Variants in ATP11A observed in about 807,000 individuals in gnomAD.
The protein encoded by ATP11A is ATPase phospholipid transporting 11A.
ATP11A carries 81 observed loss-of-function variants against 154.4 expected under a neutral mutation model. That is an observed-to-expected ratio of 0.52 (90% CI 0.44 to 0.63). ATP11A has a LOEUF of 0.63. ATP11A is among the 30% of genes least tolerant of loss of function. The pLI is 0.00. For synonymous variants in ATP11A, 623 were observed against 585.9 expected (o/e 1.06, Z -0.91); for missense variants, 1,316 against 1,474.3 (o/e 0.89, Z 1.76).
intron 27 of ATP11A, among the ~76,000 whole-genome samples, chr13:112,874,625 CCCTG>C (rs1398615486): frequency 1.3e-4 from 20 of 152,130 alleles, no homozygotes; most frequent in Non-Finnish European, 2.8e-4. Flanking sequence ...CCCTCAGGGC[CCCTG>C]ACCTGGGCGG....
chr13:112,758,543 C>T (rs1222313250), intron 1 of ATP11A, among the ~76,000 whole-genome samples: 1 of 151,982 alleles, frequency 6.6e-6, no homozygotes, highest in Non-Finnish European at 1.5e-5. Flanking sequence ...CCTGCCTCAG[C>T]CTCCCGAGTA....
intron 1 of ATP11A, among the ~76,000 whole-genome samples, chr13:112,776,022 C>G (rs2139975363): frequency 6.6e-6 from 1 of 152,354 alleles, no homozygotes; most frequent in East Asian, 1.9e-4. Context: ...CGGACCCCTT[C>G]CCGCCTCCCT....
intron 1 of ATP11A, among the ~76,000 whole-genome samples, chr13:112,720,379 T>C (rs1281237896): frequency 6.6e-6 from 1 of 152,146 alleles, no homozygotes; most frequent in African/African-American, 2.4e-5. Flanking sequence ...CTGGAGCCAG[T>C]GGAAGGGAGT....
rs1482800736 is a variant in ATP11A, at chr13:112,716,272, C to T, written c.39+25817C>T. On this transcript the variant is annotated intron_variant, in intron 1 of 29. Transcript: ENST00000375645. ...ATCTGGTGGGAAGTGGGGGCTTTAG[C>T]AAGTCGCATCTCTCTCTGCCCCTCC... Among the ~76,000 whole-genome samples the T allele has an allele frequency of 2.0e-5, 3 of 152,216 alleles. No homozygotes were observed. In the East Asian group the frequency reaches 5.8e-4, roughly 29 times the overall value.
rs762365055 is a variant in ATP11A at position 112,862,429 on chromosome 13, C to A, written c.2856-11C>A. 8 of 1,613,238 alleles carry A rather than the reference C, an allele frequency of 5.0e-6. No individual in the cohort carries two copies. Among genetic ancestry groups the A allele is most frequent in the Non-Finnish European group, 6.8e-6 (8 of 1,179,934 alleles). ...TCGAGGACACACGCTGTGCACCTTT[C>A]TCCTCACCAGGGACGTCGCCAAGAA... On this transcript the variant is annotated splice_polypyrimidine_tract_variant and intron_variant, in intron 24 of 29. Transcript: ENST00000375645.
At chr13:112,821,140 T>C (rs1858314953) in intron 8 of ATP11A, among the ~76,000 whole-genome samples, 1 of 152,178 alleles carries the variant, frequency 6.6e-6, no homozygotes, top group Non-Finnish European at 1.5e-5. Context: ...TTAATTTGTG[T>C]TTGAACAGAC....
intron 1 of ATP11A, among the ~76,000 whole-genome samples, chr13:112,770,538 G>A (rs1386391999): frequency 1.4e-4 from 22 of 152,232 alleles, no homozygotes; most frequent in South Asian, 2.1e-4. Flanking sequence ...AGGGATGGGC[G>A]TGCCCACGTG....
intron 13 of ATP11A, among the ~76,000 whole-genome samples, chr13:112,832,472 C>T (rs947883803): frequency 2.0e-5 from 3 of 152,198 alleles, no homozygotes; most frequent in African/African-American, 4.8e-5. Context: ...CGCACAGGCA[C>T]CAGGGCAGAG....
At position 112,882,528 on chromosome 13, in the gene ATP11A, G is replaced by C; in HGVS notation, c.*662G>C. 2.2e-6 allele frequency: 1 copy of C among 453,508 alleles called. No individual in the cohort carries two copies. Among genetic ancestry groups the C allele is most frequent in the Non-Finnish European group, 3.8e-6 (1 of 260,510 alleles). The allele number at this position is 453,508 out of a possible 1,614,324, so 28.1% of individuals were successfully genotyped here. A position where few individuals can be genotyped will look rare whatever the true frequency, so the allele number is the denominator to read the frequency against. On this transcript the variant is annotated 3_prime_UTR_variant, in exon 30 of 30. Transcript: ENST00000375645. The surrounding 1 kb of genome is among the most constrained non-coding windows in gnomAD (Gnocchi z 5.1). ...GGGTCACTCGGATACCATCATCCCT[G>C]CGGATGCACCGCCGTACCCTGCTCA...
chr13:112,799,899 A>G (rs2078089437), intron 2 of ATP11A, among the ~76,000 whole-genome samples: 1 of 152,218 alleles, frequency 6.6e-6, no homozygotes. Context: ...TTAACTGGAA[A>G]ATCCCAAAAT....
In ATP11A at chr13:112,838,544, C is replaced by T. The variant is rs931076111; in HGVS notation, c.1705+2293C>T. On this transcript the variant is annotated intron_variant, in intron 16 of 29. Coordinates refer to ENST00000375645, the MANE Select transcript of ATP11A (RefSeq NM_015205.3). The surrounding 1 kb of genome is among the most constrained non-coding windows in gnomAD (Gnocchi z 7.3). ...CCCGGAGCTGGCCCTGCCACACGCT[C>T]ACAAGGGGTTTTTGCTGCATCCTGA... is the stretch of plus-strand genomic sequence containing the variant. 3.3e-5 allele frequency among the ~76,000 whole-genome samples: 5 copies of T among 152,234 alleles called. No individual in the cohort carries two copies. The highest frequency in any genetic ancestry group is 1.2e-4 in the African/African-American group (5 of 41,468).
intron 15 of ATP11A, 60 bp downstream of exon 15, chr13:112,834,720 A>T: frequency 1.4e-6 from 2 of 1,387,102 alleles, no homozygotes; most frequent in Non-Finnish European, 2.0e-6. Context: ...TGTTCTTTAT[A>T]AGGTTCTGCG....
Position 112,881,918 on chromosome 13 carries a change from A to G in ATP11A, c.*52A>G, listed in dbSNP as rs141738611. The G allele has an allele frequency of 6.2e-5, 85 of 1,367,658 alleles. No individual in the cohort carries two copies. In the African/African-American group the frequency reaches 1.2e-3, roughly 19 times the overall value. The allele number at this position is 1,367,658 out of a possible 1,614,324, so 84.7% of individuals were successfully genotyped here. On this transcript the variant is annotated 3_prime_UTR_variant, in exon 30 of 30. Transcript: ENST00000375645. ...CACCTGTCCCTCGGCCGCCTGGTACAGCTCCCACTCTCAGCAGGTGACACT... is the reference window on the plus strand; with the variant it reads ...CACCTGTCCCTCGGCCGCCTGGTACGGCTCCCACTCTCAGCAGGTGACACT...
chr13:112,879,719 G>A (rs1319924794), intron 29 of ATP11A, among the ~76,000 whole-genome samples: 2 of 152,226 alleles, frequency 1.3e-5, no homozygotes, highest in Non-Finnish European at 2.9e-5. Flanking sequence ...ACGGGAACAC[G>A]CCGTGGCGCC....
chr13:112,826,250 A>G (rs947017224), intron 11 of ATP11A, among the ~76,000 whole-genome samples: 9 of 152,198 alleles, frequency 5.9e-5, no homozygotes, highest in Admixed American at 5.2e-4. Flanking sequence ...CAAAACTAAC[A>G]TGGCCCCACA....
intron 13 of ATP11A, among the ~76,000 whole-genome samples, chr13:112,831,952 GAC>G (rs35583942): frequency 7.7e-5 from 9 of 117,490 alleles, no homozygotes; most frequent in East Asian, 2.7e-4. Context: ...CACACATGCA[GAC>G]ACACACACTC....
intron 15 of ATP11A, among the ~76,000 whole-genome samples, chr13:112,835,421 G>C (rs767974994): frequency 6.6e-6 from 1 of 152,214 alleles, no homozygotes; most frequent in Non-Finnish European, 1.5e-5. Flanking sequence ...CCCTTGATTC[G>C]GCGGGGCTCC....
Position 112,873,619 on chromosome 13 carries a change from T to G in ATP11A, c.3104T>G (p.Ile1035Ser). The change falls in exon 27 of 30, where the codon ATC becomes AGC. Residue 1035 changes from isoleucine (I) to serine (S), a missense_variant. Ile to Ser is a moderately radical substitution (Grantham distance 142, BLOSUM62 -2). Coordinates refer to ENST00000375645, the MANE Select transcript of ATP11A (RefSeq NM_015205.3). ...TGGACTTGGATCAACCATTTTGTCATCTGGGGGTCGCTGCTGTTCTACGTT... is the reference window on the plus strand; with the variant it reads ...TGGACTTGGATCAACCATTTTGTCAGCTGGGGGTCGCTGCTGTTCTACGTT... The part of the protein sequence containing the change: ...HYWTWINHFV[I>S]WGSLLFYVVF... 1 of 1,613,442 alleles carries G rather than the reference T, an allele frequency of 6.2e-7. No homozygotes were observed. The highest frequency in any genetic ancestry group is 8.5e-7 in the Non-Finnish European group (1 of 1,179,840).
Position 112,857,789 on chromosome 13 carries a change from G to C in ATP11A, c.2419-29G>C, listed in dbSNP as rs779018158. On this transcript the variant is annotated intron_variant, in intron 20 of 29. Coordinates refer to ENST00000375645, the MANE Select transcript of ATP11A (RefSeq NM_015205.3). ...ACCTGTTCAGAAGTGAAACAGAGAA[G>C]ATAAATTCCGCATTTCTTTCTTTTG... The C allele has an allele frequency of 6.4e-6, 10 of 1,563,424 alleles. No homozygotes were observed. In the South Asian group the frequency reaches 8.9e-5, roughly 14 times the overall value.
Sources: gnomAD v4.1 joint callset for allele counts (sites outside exome capture counted in the v4.1 genomes callset) on GRCh38, gnomAD v4.1.1 for gene constraint, Gnocchi (gnomAD v3.1) non-coding constraint, MANE v1.5 for transcripts, NCBI Gene and HGNC (gene_info 2026-07-23, HGNC 2026-07-21) for gene names.